Variants in RGPD2 observed in about 807,000 individuals in gnomAD.
The protein encoded by RGPD2 is RANBP2 like and GRIP domain containing 2.
RGPD2 carries 2 observed loss-of-function variants against 36.0 expected under a neutral mutation model. The ratio of observed to expected loss-of-function variants is 0.06; its 90% CI spans 0.02 to 0.17. RGPD2 has a LOEUF of 0.17. Ranked by LOEUF, RGPD2 falls within the 10% of genes least tolerant of loss-of-function variation. RGPD2 has a pLI of 1.00. For missense variants in RGPD2, 40 were observed against 464.3 expected, an observed-to-expected ratio of 0.09 and a Z score of 8.40; for synonymous variants, 19 against 163.8, an observed-to-expected ratio of 0.12 and a Z score of 6.75.
At chr2:87,864,065 T>C in the RGPD2 span, among the ~76,000 whole-genome samples, 1 of 152,044 alleles carries the variant, frequency 6.6e-6, no homozygotes, top group Non-Finnish European at 1.5e-5. Flanking sequence ...GTTCATTTAA[T>C]GTGTTGACCT....
the RGPD2 span, among the ~76,000 whole-genome samples, chr2:87,877,576 G>T: frequency 1.3e-5 from 2 of 152,172 alleles, no homozygotes; most frequent in Admixed American, 6.5e-5. Context: ...GGCCGAGGAG[G>T]GCAGATCACG....
intron 4 of RGPD2, among the ~76,000 whole-genome samples, chr2:87,813,642 C>T (rs1469239023): frequency 2.6e-5 from 3 of 115,168 alleles, no homozygotes; most frequent in African/African-American, 1.0e-4. Context: ...ATGGATGATA[C>T]CCTGGTCTCT....
At chr2:87,896,898 T>C in the RGPD2 span, among the ~76,000 whole-genome samples, 1 of 145,798 alleles carries the variant, frequency 6.9e-6, no homozygotes, top group Non-Finnish European at 1.5e-5. Context: ...GCATCTCTTA[T>C]TTTTTATATT....
chr2:87,911,809 C>T, the RGPD2 span, among the ~76,000 whole-genome samples: 1 of 151,864 alleles, frequency 6.6e-6, no homozygotes, highest in Non-Finnish European at 1.5e-5. Context: ...CCTTTGAACA[C>T]TTTGAGTTTA....
chr2:87,869,997 A>G, the RGPD2 span, among the ~76,000 whole-genome samples: 2 of 152,204 alleles, frequency 1.3e-5, no homozygotes, highest in African/African-American at 2.4e-5. Flanking sequence ...AGATTACAGT[A>G]TCTTTGAAAT....
chr2:87,958,294 A>G, the RGPD2 span, among the ~76,000 whole-genome samples: 1 of 152,170 alleles, frequency 6.6e-6, no homozygotes, highest in African/African-American at 2.4e-5. Flanking sequence ...ATGAGCATAA[A>G]CCAGTAATTA....
the RGPD2 span, among the ~76,000 whole-genome samples, chr2:87,952,767 T>G: frequency 6.6e-6 from 1 of 152,214 alleles, no homozygotes; most frequent in African/African-American, 2.4e-5. Flanking sequence ...TTCATCGTTG[T>G]GTAATTAGAA....
chr2:87,929,468 G>GT, the RGPD2 span, among the ~76,000 whole-genome samples: 1,893 of 105,204 alleles, frequency 0.018, 49 homozygotes, highest in African/African-American at 0.072. Flanking sequence ...CTCCAGCTTT[G>GT]TTTTTTTTGT....
upstream of RGPD2, chr2:87,825,950 T>C (rs1463551020): frequency 1.3e-5 from 7 of 545,364 alleles, no homozygotes; most frequent in Non-Finnish European, 1.9e-5. Flanking sequence ...TGAGGGTGTC[T>C]TGCCCGCCGG....
At chr2:87,809,032 G>A (rs371634972) in intron 6 of RGPD2, among the ~76,000 whole-genome samples, 12,672 of 90,476 alleles carry the variant, frequency 0.14, 561 homozygotes, top group Non-Finnish European at 0.18. Context: ...CCAGCCGGGC[G>A]CGGTGGCTCA....
the RGPD2 span, among the ~76,000 whole-genome samples, chr2:87,844,463 A>C: frequency 6.6e-6 from 1 of 150,634 alleles, no homozygotes; most frequent in Non-Finnish European, 1.5e-5. Context: ...GGCTGATAGC[A>C]AAACATTCAC....
At chr2:87,867,378 AAAC>A in the RGPD2 span, among the ~76,000 whole-genome samples, 1 of 149,344 alleles carries the variant, frequency 6.7e-6, no homozygotes, top group East Asian at 2.0e-4. Flanking sequence ...TACTCTTGCA[AAAC>A]ACAGTTGGAT....
At chr2:87,989,112 A>T in the RGPD2 span, 1 of 483,502 alleles carries the variant, frequency 2.1e-6, no homozygotes. Context: ...ATCGTACCTA[A>T]CTCAGAGGTG....
the RGPD2 span, chr2:87,972,598 G>A: frequency 5.0e-6 from 5 of 995,992 alleles, no homozygotes; most frequent in Admixed American, 1.1e-4. Flanking sequence ...GAGGTGGCAG[G>A]GGCGGGGCGG....
chr2:87,756,159 C>T lies in RGPD2; in HGVS notation c.*1233G>A, dbSNP rs1297076830. 9.7e-5 allele frequency: 4 copies of T among 41,230 alleles called. No individual in the cohort carries two copies. The highest frequency in any genetic ancestry group is 3.0e-4 in the Admixed American group (1 of 3,294). The allele number at this position is 41,230 out of a possible 1,614,324, so 2.6% of individuals were successfully genotyped here. On this transcript the variant is annotated 3_prime_UTR_variant, in exon 23 of 23. Coordinates refer to ENST00000398146, the MANE Select transcript of RGPD2 (RefSeq NM_001078170.3). ...GGTGGGCACACTAGCAAACACCTGC[C>T]AGCTGCATGTGGACCCAGGTGGGCA... is the stretch of plus-strand genomic sequence containing the variant.
the RGPD2 span, among the ~76,000 whole-genome samples, chr2:87,871,683 T>C: frequency 6.6e-6 from 1 of 151,974 alleles, no homozygotes; most frequent in Admixed American, 6.6e-5. Context: ...CTGACCAACA[T>C]GGAGAAACCC....
upstream of RGPD2, among the ~76,000 whole-genome samples, chr2:87,827,145 T>C (rs564191078): frequency 1.3e-5 from 2 of 152,200 alleles, no homozygotes; most frequent in South Asian, 4.2e-4. Flanking sequence ...AAAAATGAGA[T>C]TGACAGGAAG....
the RGPD2 span, among the ~76,000 whole-genome samples, chr2:87,843,789 A>G: frequency 6.6e-6 from 1 of 152,138 alleles, no homozygotes; most frequent in African/African-American, 2.4e-5. Flanking sequence ...ACTATTCACA[A>G]TAGCAAAGAC....
the RGPD2 span, among the ~76,000 whole-genome samples, chr2:87,880,693 C>T: frequency 1.1e-4 from 2 of 18,536 alleles, no homozygotes; most frequent in African/African-American, 6.6e-4. Context: ...GCTTCGATGA[C>T]ATAAACATCT....
Sources: allele counts gnomAD v4.1 joint callset (sites outside exome capture counted in the v4.1 genomes callset), GRCh38; gene constraint gnomAD v4.1.1; transcripts MANE v1.5; gene names NCBI Gene and HGNC (gene_info 2026-07-23, HGNC 2026-07-21).